Variants in MFN1 observed in about 807,000 individuals in gnomAD.
MFN1 encodes mitofusin-1.
Under a neutral mutation model 92.4 loss-of-function variants are expected in MFN1, and 65 were observed. The observed-to-expected ratio is 0.70, with a 90% CI of 0.58 to 0.86. The LOEUF is 0.86. Among genes scored for constraint, MFN1 ranks in the 40% least tolerant of loss-of-function variants. The pLI is 0.00. For synonymous variants in MFN1, 297 were observed against 300.9 expected, an observed-to-expected ratio of 0.99 and a Z score of 0.13; for missense variants, 781 against 868.0, an observed-to-expected ratio of 0.90 and a Z score of 1.26.
intron 17 of MFN1, among the ~76,000 whole-genome samples, chr3:179,391,365 C>A (rs531136058): frequency 1.3e-5 from 2 of 151,768 alleles, no homozygotes; most frequent in East Asian, 3.9e-4. Context: ...TTAAAAAAAA[C>A]AAATACCATA....
At chr3:179,362,176 A>G (rs377340399) in intron 4 of MFN1, among the ~76,000 whole-genome samples, 182 bp from the exon 5 acceptor site, 7 of 152,156 alleles carry the variant, frequency 4.6e-5, no homozygotes, top group African/African-American at 1.7e-4. Context: ...TTTTGAGGGA[A>G]CCATTTTTTT....
chr3:179,378,158 A>G, intron 12 of MFN1, 183 bp from the exon 13 acceptor site: 2 of 591,380 alleles, frequency 3.4e-6, no homozygotes, highest in Admixed American at 3.1e-5. Context: ...TAGGAGGTCA[A>G]GGCTACAGTG....
intron 14 of MFN1, among the ~76,000 whole-genome samples, chr3:179,380,928 T>G (rs1167621575): frequency 1.4e-5 from 2 of 146,424 alleles, no homozygotes; most frequent in Non-Finnish European, 3.0e-5. Context: ...CTTTGAAGTA[T>G]GTCAAGTGAG....
At chr3:179,351,045 T>C (rs1215711147) in intron 2 of MFN1, among the ~76,000 whole-genome samples, 2 of 152,196 alleles carry the variant, frequency 1.3e-5, no homozygotes, top group African/African-American at 4.8e-5. Context: ...CCTCAAGGGA[T>C]CTGCCCACTT....
chr3:179,349,101 C>T, intron 2 of MFN1, 138 bp downstream of exon 2: 1 of 559,380 alleles, frequency 1.8e-6, no homozygotes, highest in Non-Finnish European at 2.9e-6. Context: ...AATAAAACCC[C>T]TTTCTAACCT....
Position 179,348,911 on chromosome 3 carries a change from A to G in MFN1, c.60A>G (p.Ala20=), listed in dbSNP as rs1403545272. The change falls in exon 2 of 18, where the codon GCA becomes GCG. Residue 20 remains alanine, a synonymous_variant. Transcript: ENST00000471841. The part of the protein sequence containing the change: ...HFVLAKKAIT[A]IFDQLLEFVT... ...TGCTGGCTAAGAAGGCGATTACTGCAATCTTTGACCAGTTACTGGAGTTTG... is the reference window on the plus strand; with the variant it reads ...TGCTGGCTAAGAAGGCGATTACTGCGATCTTTGACCAGTTACTGGAGTTTG... 7 of 1,607,472 alleles carry G rather than the reference A, an allele frequency of 4.4e-6. No individual in the cohort carries two copies. The highest frequency in any genetic ancestry group is 6.0e-6 in the Non-Finnish European group (7 of 1,174,780).
chr3:179,382,143 A>G (rs1187924887), intron 14 of MFN1, among the ~76,000 whole-genome samples: 1 of 152,102 alleles, frequency 6.6e-6, no homozygotes, highest in South Asian at 2.1e-4. Flanking sequence ...ACATATGTAT[A>G]CATGTGCCAT....
intron 16 of MFN1, among the ~76,000 whole-genome samples, chr3:179,389,201 T>C (rs533768587): frequency 6.6e-6 from 1 of 152,248 alleles, no homozygotes; most frequent in Admixed American, 6.5e-5. Flanking sequence ...CTGATAGTTT[T>C]AATTTATATT....
At chr3:179,360,907 C>G (rs1056561896) in intron 4 of MFN1, among the ~76,000 whole-genome samples, 23 of 152,208 alleles carry the variant, frequency 1.5e-4, no homozygotes, top group African/African-American at 5.3e-4. Flanking sequence ...AGCACTTGAG[C>G]TGGTCGGATT....
At chr3:179,350,012 C>T (rs1334244966) in intron 2 of MFN1, among the ~76,000 whole-genome samples, 1 of 151,954 alleles carries the variant, frequency 6.6e-6, no homozygotes, top group African/African-American at 2.4e-5. Context: ...ATTAGCTGGG[C>T]CTGGTGGCAG....
chr3:179,351,795 G>A (rs1712156598), intron 2 of MFN1, 105 bp from the exon 3 acceptor site: 2 of 1,048,028 alleles, frequency 1.9e-6, no homozygotes, highest in Admixed American at 2.4e-5. Flanking sequence ...GCTGTGGGTG[G>A]CATGTTAACA....
chr3:179,385,968 C>T (rs191284192), intron 15 of MFN1, among the ~76,000 whole-genome samples: 1 of 152,148 alleles, frequency 6.6e-6, no homozygotes. Flanking sequence ...AGCATTTTCA[C>T]ATCACAGCAC....
chr3:179,366,051 C>A (rs1712775165), intron 7 of MFN1, among the ~76,000 whole-genome samples: 1 of 152,080 alleles, frequency 6.6e-6, no homozygotes, highest in Non-Finnish European at 1.5e-5. Flanking sequence ...ACAGTTTTGA[C>A]CTCAATGGGA....
In MFN1 at chr3:179,386,480, G is replaced by T; in HGVS notation, c.1863G>T (p.Met621Ile). ...GWKLLSVSLT[M>I]YGALYLYERL... The stretch of plus-strand genomic sequence containing the variant: ...AACTCCTATCTGTTTCATTAACTAT[G>T]TATGGAGCTTTGTATCTTTATGAAA... Residue 621 changes from methionine (M) to isoleucine (I), a missense_variant, in exon 16 of 18, where the codon ATG becomes ATT. Met to Ile is a conservative substitution (Grantham distance 10). Coordinates refer to ENST00000471841, the MANE Select transcript of MFN1 (RefSeq NM_033540.3). The T allele has an allele frequency of 1.9e-6, 3 of 1,613,876 alleles. No homozygotes were observed. Among genetic ancestry groups the T allele is most frequent in the Non-Finnish European group, 2.5e-6 (3 of 1,179,880 alleles).
At chr3:179,379,643 A>G (rs1377076587) in intron 14 of MFN1, among the ~76,000 whole-genome samples, 1 of 152,216 alleles carries the variant, frequency 6.6e-6, no homozygotes. Context: ...CGTGAGCCAC[A>G]GCACCCAGGC....
At chr3:179,362,264 C>T in intron 4 of MFN1, 94 bp from the exon 5 acceptor site, 1 of 1,220,102 alleles carries the variant, frequency 8.2e-7, no homozygotes, top group South Asian at 2.2e-5. Flanking sequence ...TTTTATATAC[C>T]TGTTTTGCTA....
At chr3:179,365,088 ATG>A in intron 6 of MFN1, 28 bp from the exon 7 acceptor site, 1 of 1,216,806 alleles carries the variant, frequency 8.2e-7, no homozygotes. Context: ...ATTATAGTGA[ATG>A]TACTGTGGGG....
chr3:179,355,553 T>A (rs1021158660), intron 3 of MFN1, among the ~76,000 whole-genome samples: 11 of 152,148 alleles, frequency 7.2e-5, no homozygotes, highest in Non-Finnish European at 1.0e-4. Context: ...ATTATTGGCT[T>A]ATGTTGGTGA....
At position 179,378,813 on chromosome 3, in the gene MFN1, AG is replaced by A; in HGVS notation, c.1662+1del. On this transcript the variant is annotated frameshift_variant and splice_region_variant, in exon 14 of 18. Coordinates refer to ENST00000471841, the MANE Select transcript of MFN1 (RefSeq NM_033540.3). LOFTEE classifies it high-confidence loss of function. Reference protein sequence around the residue: ...VLLGLSEPIFQLPRSLASTPT... With the variant: ...VLLGLSEPIFXLPRSLASTPT... ...CTAGGATTATCAGAGCCTATCTTTC[AG>A]GTATGTATCTTTGAATCTACCAATT... 1 of 1,603,786 alleles carries A rather than the reference AG, an allele frequency of 6.2e-7. No individual in the cohort carries two copies. The highest frequency in any genetic ancestry group is 8.5e-7 in the Non-Finnish European group (1 of 1,171,264).
Sources: gnomAD v4.1 joint callset for allele counts (sites outside exome capture counted in the v4.1 genomes callset) on GRCh38, gnomAD v4.1.1 for gene constraint, MANE v1.5 for transcripts, NCBI Gene and HGNC (gene_info 2026-07-23, HGNC 2026-07-21) for gene names.